Variants in RFX2 observed in about 807,000 individuals in gnomAD.
The protein encoded by RFX2 is regulatory factor X2, also known as DNA-binding protein RFX2.
In RFX2, 20 loss-of-function variants were observed where a neutral mutation model predicts 87.8. The observed-to-expected ratio is 0.23, with a 90% CI of 0.16 to 0.33. The LOEUF (loss-of-function observed/expected upper bound fraction) is 0.33. Among genes scored for constraint, RFX2 ranks in the 10% least tolerant of loss-of-function variants. RFX2 has a pLI of 1.00. For synonymous variants in RFX2, 397 were observed against 431.3 expected, an observed-to-expected ratio of 0.92 and a Z score of 0.98; for missense variants, 767 against 1,012.3, an observed-to-expected ratio of 0.76 and a Z score of 3.29.
At chr19:6,048,884 C>T (rs2087232890) in intron 1 of RFX2, among the ~76,000 whole-genome samples, 2 of 151,414 alleles carry the variant, frequency 1.3e-5, no homozygotes, top group African/African-American at 4.9e-5. Flanking sequence ...GCCCCCGCCC[C>T]CGTCCCCTCC....
rs1022105724 is a variant in RFX2, at chr19:6,083,233, T to C, written c.-9+27160A>G. Among the ~76,000 whole-genome samples the C allele has an allele frequency of 6.6e-6, 1 of 152,188 alleles. No homozygotes were observed. The highest frequency in any genetic ancestry group is 2.4e-5 in the African/African-American group (1 of 41,452). ...TCATCATGAAATTTTTTGGCATTTA[T>C]TTTGATTTTTTAAAATACTGCATTA... On this transcript the variant is annotated intron_variant, in intron 1 of 17. Transcript: ENST00000303657. The surrounding 1 kb of genome is among the most constrained non-coding windows in gnomAD (Gnocchi z 4.6).
intron 1 of RFX2, among the ~76,000 whole-genome samples, chr19:6,066,550 G>A (rs2144820794): frequency 6.6e-6 from 1 of 152,344 alleles, no homozygotes; most frequent in East Asian, 1.9e-4. Context: ...TAAGTCTCCA[G>A]TTGAGAGCAG....
chr19:6,070,185 G>A (rs2087583564), intron 1 of RFX2, among the ~76,000 whole-genome samples: 1 of 75,436 alleles, frequency 1.3e-5, no homozygotes. Flanking sequence ...GATGGGATGG[G>A]ATGGGATGGG....
chr19:6,048,959 A>G (rs1021925682), intron 1 of RFX2, among the ~76,000 whole-genome samples: 1 of 135,164 alleles, frequency 7.4e-6, no homozygotes, highest in Admixed American at 8.8e-5. Flanking sequence ...GTTCTGTGTG[A>G]GCCTGACTCA....
At chr19:6,081,766 A>G (rs887303782) in intron 1 of RFX2, among the ~76,000 whole-genome samples, 4 of 152,240 alleles carry the variant, frequency 2.6e-5, no homozygotes, top group African/African-American at 9.6e-5. Context: ...CAGCCTGGTC[A>G]ACATGGTGAA....
At chr19:6,082,313 A>T (rs941654951) in intron 1 of RFX2, among the ~76,000 whole-genome samples, 5 of 146,248 alleles carry the variant, frequency 3.4e-5, no homozygotes, top group Non-Finnish European at 4.6e-5. Context: ...AAAAAAAAAA[A>T]TGGTAGACAG....
In RFX2 at chr19:6,004,427, G is replaced by C; in HGVS notation, c.1403-129C>G. On this transcript the variant is annotated intron_variant, in intron 12 of 17. Coordinates refer to ENST00000303657, the MANE Select transcript of RFX2 (RefSeq NM_000635.4). This position sits in a 1 kb window ranked among gnomAD's most constrained non-coding sequence, Gnocchi z 4.8. ...ACCATGAAGAACGAGCCACACAGGCGACGGGGAACCGAGGACACTTAGAAA... is the reference window on the plus strand; with the variant it reads ...ACCATGAAGAACGAGCCACACAGGCCACGGGGAACCGAGGACACTTAGAAA... 1 of 750,568 alleles carries C rather than the reference G, an allele frequency of 1.3e-6. No individual in the cohort carries two copies. The highest frequency in any genetic ancestry group is 2.4e-6 in the Non-Finnish European group (1 of 424,728). The allele number at this position is 750,568 out of a possible 1,614,324, so 46.5% of individuals were successfully genotyped here.
chr19:6,103,434 T>C (rs1173518040), intron 1 of RFX2, among the ~76,000 whole-genome samples: 2 of 152,210 alleles, frequency 1.3e-5, no homozygotes. Flanking sequence ...CCAGGCCGTC[T>C]GCTCCTAAGG....
At chr19:6,102,092 G>C (rs926057104) in intron 1 of RFX2, among the ~76,000 whole-genome samples, 6 of 152,122 alleles carry the variant, frequency 3.9e-5, no homozygotes, top group Admixed American at 2.0e-4. Flanking sequence ...TCACATTCAC[G>C]GGGACATGAA....
At chr19:6,025,013 C>T (rs767486691) in intron 6 of RFX2, among the ~76,000 whole-genome samples, 49 of 152,058 alleles carry the variant, frequency 3.2e-4, no homozygotes, top group Non-Finnish European at 5.9e-4. Context: ...GACTTCTTCT[C>T]TGATGTCTGA....
chr19:6,028,086 G>A (rs1032199534), intron 5 of RFX2, among the ~76,000 whole-genome samples: 2 of 151,824 alleles, frequency 1.3e-5, no homozygotes, highest in Admixed American at 1.3e-4. Flanking sequence ...AAAGTTAAAT[G>A]TATTATTTCC....
At chr19:6,009,408 A>G (rs563793) in intron 9 of RFX2, among the ~76,000 whole-genome samples, 28,430 of 151,884 alleles carry the variant, frequency 0.19, 8,045 homozygotes, top group African/African-American at 0.62. Context: ...ACCACCACTA[A>G]GCCAGCTGGG....
At chr19:6,094,098 T>C (rs992024157) in intron 1 of RFX2, among the ~76,000 whole-genome samples, 1 of 152,030 alleles carries the variant, frequency 6.6e-6, no homozygotes, top group African/African-American at 2.4e-5. Context: ...GTGAATTACA[T>C]CCCAATGCAA....
intron 1 of RFX2, among the ~76,000 whole-genome samples, chr19:6,058,006 C>A (rs1568528108): frequency 6.6e-6 from 1 of 152,218 alleles, no homozygotes; most frequent in East Asian, 1.9e-4. Context: ...AAAGTGGATT[C>A]TCGAACCCTC....
Position 6,012,977 on chromosome 19 carries a change from G to A in RFX2, c.899+9C>T, listed in dbSNP as rs758829887. 2.3e-5 allele frequency: 35 copies of A among 1,523,396 alleles called. No individual in the cohort carries two copies. The highest frequency in any genetic ancestry group is 2.8e-5 in the African/African-American group (2 of 71,142). 94.4% of individuals were successfully genotyped at this position (1,523,396 alleles called of 1,614,324 possible). A position where few individuals can be genotyped will look rare whatever the true frequency, so the allele number is the denominator to read the frequency against. On this transcript the variant is annotated intron_variant, in intron 8 of 17. Transcript: ENST00000303657. The surrounding 1 kb of genome is among the most constrained non-coding windows in gnomAD (Gnocchi z 4.6). Reference sequence around the variant, plus strand: ...GAGCCAGCTCCTCCCAGCTCGGCCCGGCACCCACCTGGGCTTCTGGTGCAT... The same window carrying A: ...GAGCCAGCTCCTCCCAGCTCGGCCCAGCACCCACCTGGGCTTCTGGTGCAT...
chr19:5,999,005 C>T lies in RFX2; in HGVS notation c.1860-1792G>A, dbSNP rs551336426. On this transcript the variant is annotated intron_variant, in intron 15 of 17. Coordinates refer to ENST00000303657, the MANE Select transcript of RFX2 (RefSeq NM_000635.4). The surrounding 1 kb of genome is among the most constrained non-coding windows in gnomAD (Gnocchi z 4.1). ...GCGTGGTGGCTCATGACTGGAATCG[C>T]AGCACTTTGGGAGGCTGAGGCAGGT... Among the ~76,000 whole-genome samples, 9 of 152,344 alleles carry T rather than the reference C, an allele frequency of 5.9e-5. No homozygotes were observed. Among genetic ancestry groups the T allele is most frequent in the African/African-American group, 2.2e-4 (9 of 41,582 alleles).
At chr19:6,084,639 C>CTTACTTTTTT in intron 1 of RFX2, among the ~76,000 whole-genome samples, 1 of 122,944 alleles carries the variant, frequency 8.1e-6, no homozygotes, top group Non-Finnish European at 1.6e-5. Flanking sequence ...TTCTTTCTTT[C>CTTACTTTTTT]TTTCTTTTTT....
Position 6,013,864 on chromosome 19 carries a change from A to C in RFX2, c.780-759T>G, listed in dbSNP as rs186810188. Among the ~76,000 whole-genome samples the C allele has an allele frequency of 1.5e-3, 231 of 152,314 alleles. 2 individuals carry two copies. The highest frequency in any genetic ancestry group is 1.8e-4 in the Non-Finnish European group (12 of 68,028). ...AGAGTCCTCTCTCACAGGCTAGTAT[A>C]ATAAAGGCTCGGACAAGTCCTGTGC... On this transcript the variant is annotated intron_variant, in intron 7 of 17. Coordinates refer to ENST00000303657, the MANE Select transcript of RFX2 (RefSeq NM_000635.4). The surrounding 1 kb of genome is among the most constrained non-coding windows in gnomAD (Gnocchi z 4.1).
At chr19:6,093,047 C>A (rs1390500813) in intron 1 of RFX2, among the ~76,000 whole-genome samples, 1 of 152,064 alleles carries the variant, frequency 6.6e-6, no homozygotes, top group African/African-American at 2.4e-5. Flanking sequence ...AGTGGAAAGT[C>A]ACCTTTATAG....
Sources: allele counts gnomAD v4.1 joint callset (sites outside exome capture counted in the v4.1 genomes callset), GRCh38; gene constraint gnomAD v4.1.1; non-coding constraint Gnocchi (gnomAD v3.1); transcripts MANE v1.5; gene names NCBI Gene and HGNC (gene_info 2026-07-23, HGNC 2026-07-21).